ZNF789: variants seen among roughly 807,000 people sequenced by gnomAD.
ZNF789 encodes zinc finger protein 789.
In ZNF789, 11 loss-of-function variants were observed where a neutral mutation model predicts 15.6. The ratio of observed to expected loss-of-function variants is 0.70; its 90% CI spans 0.44 to 1.16. The LOEUF is 1.16. ZNF789 is among the 50% of genes most tolerant of loss of function. The pLI, the probability that ZNF789 is intolerant of heterozygous loss-of-function variation, is 0.00. For synonymous variants in ZNF789, 159 were observed against 176.0 expected (o/e 0.90, Z 0.76); for missense variants, 461 against 512.6 (o/e 0.90, Z 0.97).
At position 99,487,402 on chromosome 7, in the gene ZNF789, C is replaced by A. The variant is rs774761401; in HGVS notation, c.1192C>A (p.Gln398Lys). The A allele has an allele frequency of 2.4e-5, 39 of 1,614,074 alleles. No homozygotes were observed. Among genetic ancestry groups the A allele is most frequent in the Non-Finnish European group, 3.2e-5 (38 of 1,180,034 alleles). Residue 398 changes from glutamine to lysine, a missense_variant, in exon 5 of 5, where the codon CAA becomes AAA. Physicochemically the swap from Gln to Lys is moderately conservative, Grantham distance 53. Transcript: ENST00000331410. ...CATTCACACTGGAAGCCAACCCTAC[C>A]AATGTGTCATATGTGGAAAATCTTT... Reference protein sequence around the residue: ...QVIHTGSQPYQCVICGKSFKW... With the variant: ...QVIHTGSQPYKCVICGKSFKW...
At chr7:99,473,734 C>T (rs1332441532) in intron 1 of ZNF789, among the ~76,000 whole-genome samples, 2 of 152,244 alleles carry the variant, frequency 1.3e-5, no homozygotes, top group East Asian at 3.8e-4. Context: ...GATTCTCCTG[C>T]CTCAGCCTCT....
intron 2 of ZNF789, 163 bp from the exon 3 acceptor site, chr7:99,479,498 G>A (rs922478185): frequency 4.2e-6 from 3 of 708,508 alleles, no homozygotes; most frequent in South Asian, 3.0e-5. Flanking sequence ...TGTCTGGCCT[G>A]AGGGCCATCA....
chr7:99,487,056 A>G lies in ZNF789; in HGVS notation c.846A>G (p.Glu282=), dbSNP rs1025695558. The change falls in exon 5 of 5, where the codon GAA becomes GAG. Residue 282 remains glutamate (E), a synonymous_variant. Coordinates refer to ENST00000331410, the MANE Select transcript of ZNF789 (RefSeq NM_213603.3). ...LVEHKRIHTK[E]KPYKCSKCEK... is the part of the protein sequence containing the mutation. ...AACATAAGAGGATTCACACCAAAGAAAAACCTTATAAATGTAGCAAATGTG... is the reference window on the plus strand; with the variant it reads ...AACATAAGAGGATTCACACCAAAGAGAAACCTTATAAATGTAGCAAATGTG... The G allele has an allele frequency of 1.2e-6, 2 of 1,614,152 alleles. No individual in the cohort carries two copies. The highest frequency in any genetic ancestry group is 1.7e-6 in the Non-Finnish European group (2 of 1,180,038).
intron 2 of ZNF789, chr7:99,479,391 T>G: frequency 3.1e-6 from 1 of 319,106 alleles, no homozygotes; most frequent in Non-Finnish European, 5.7e-6. Context: ...TTTGAGGAAC[T>G]GGAACAGAGA....
chr7:99,487,394 A>C lies in ZNF789; in HGVS notation c.1184A>C (p.Gln395Pro). 6.2e-7 allele frequency: 1 copy of C among 1,614,248 alleles called. No individual in the cohort carries two copies. The highest frequency in any genetic ancestry group is 8.5e-7 in the Non-Finnish European group (1 of 1,180,042). The stretch of plus-strand genomic sequence containing the variant: ...CATCAGGTCATTCACACTGGAAGCC[A>C]ACCCTACCAATGTGTCATATGTGGA... ...FRHQVIHTGS[Q>P]PYQCVICGKS... Residue 395 changes from glutamine (Q) to proline (P), a missense_variant, in exon 5 of 5, where the codon CAA (glutamine) becomes CCA (proline). Coordinates refer to ENST00000331410, the MANE Select transcript of ZNF789 (RefSeq NM_213603.3).
intron 2 of ZNF789, chr7:99,478,998 C>T (rs555084710): frequency 9.2e-5 from 14 of 152,688 alleles, no homozygotes; most frequent in African/African-American, 3.4e-4. Flanking sequence ...GGTCTTGCTC[C>T]CCTTCCAGCA....
intron 4 of ZNF789, among the ~76,000 whole-genome samples, chr7:99,485,727 G>A (rs1431357160): frequency 1.3e-5 from 2 of 152,124 alleles, no homozygotes; most frequent in Non-Finnish European, 2.9e-5. Flanking sequence ...AGCTACTCAG[G>A]AGGCTAAGGC....
chr7:99,480,099 G>A, intron 3 of ZNF789: 1 of 363,040 alleles, frequency 2.8e-6, no homozygotes, highest in Non-Finnish European at 4.9e-6. Flanking sequence ...TCCGAGGCGG[G>A]TGGATCACAT....
Position 99,487,601 on chromosome 7 carries a change from T to A in ZNF789, c.*113T>A. On this transcript the variant is annotated 3_prime_UTR_variant, in exon 5 of 5. Transcript: ENST00000331410. The stretch of plus-strand genomic sequence containing the variant: ...ATAAATGTAACAAAGGGTTTTTCTA[T>A]GGGAGCCATCTTTGTGTAGCCAATC... The A allele has an allele frequency of 7.7e-7, 1 of 1,293,382 alleles. No homozygotes were observed. The highest frequency in any genetic ancestry group is 1.5e-5 in the South Asian group (1 of 66,328). The allele number at this position is 1,293,382 out of a possible 1,614,324, so 80.1% of individuals were successfully genotyped here. A position where few individuals can be genotyped will look rare whatever the true frequency, so the allele number is the denominator to read the frequency against.
chr7:99,477,771 A>C (rs1799414135), intron 2 of ZNF789, among the ~76,000 whole-genome samples: 1 of 152,184 alleles, frequency 6.6e-6, no homozygotes, highest in Admixed American at 6.5e-5. Context: ...CATATAGTGA[A>C]ACTCCATCTC....
At position 99,487,601 on chromosome 7, in the gene ZNF789, T is replaced by C; in HGVS notation, c.*113T>C. On this transcript the variant is annotated 3_prime_UTR_variant, in exon 5 of 5. Transcript: ENST00000331410. ...ATAAATGTAACAAAGGGTTTTTCTA[T>C]GGGAGCCATCTTTGTGTAGCCAATC... The C allele has an allele frequency of 7.7e-7, 1 of 1,293,382 alleles. No homozygotes were observed. Among genetic ancestry groups the C allele is most frequent in the Non-Finnish European group, 1.1e-6 (1 of 949,734 alleles). The allele number at this position is 1,293,382 out of a possible 1,614,324, so 80.1% of individuals were successfully genotyped here. A position where few individuals can be genotyped will look rare whatever the true frequency, so the allele number is the denominator to read the frequency against.
chr7:99,476,441 C>G lies in ZNF789; in HGVS notation c.-16C>G. 6.2e-7 allele frequency: 1 copy of G among 1,609,526 alleles called. No individual in the cohort carries two copies. The highest frequency in any genetic ancestry group is 1.7e-5 in the Admixed American group (1 of 59,252). ...CCAGGATCCCACCCCTTGCAAAAGA[C>G]CAGGCCGTGGAAGCCATGTTCCCAC... On this transcript the variant is annotated 5_prime_UTR_variant, in exon 2 of 5. Coordinates refer to ENST00000331410, the MANE Select transcript of ZNF789 (RefSeq NM_213603.3).
chr7:99,487,489 T>A lies in ZNF789; in HGVS notation c.*1T>A. ...TCACAAAGGACAGATATCCACATGA[T>A]GTTAATTGGAAAGCAGTCATTGGAG... On this transcript the variant is annotated 3_prime_UTR_variant, in exon 5 of 5. Coordinates refer to ENST00000331410, the MANE Select transcript of ZNF789 (RefSeq NM_213603.3). 1.2e-6 allele frequency: 2 copies of A among 1,604,488 alleles called. No individual in the cohort carries two copies. The highest frequency in any genetic ancestry group is 1.7e-6 in the Non-Finnish European group (2 of 1,174,538).
rs1482696846 is a variant in ZNF789 at position 99,480,039 on chromosome 7, G to A, written c.151+252G>A. On this transcript the variant is annotated intron_variant, in intron 3 of 4. Coordinates refer to ENST00000331410, the MANE Select transcript of ZNF789 (RefSeq NM_213603.3). ...TGTATACCCAACTTCAGAAATAACAGTGTAGGCCAGGTGCGGTGGCTCACA... is the reference window on the plus strand; with the variant it reads ...TGTATACCCAACTTCAGAAATAACAATGTAGGCCAGGTGCGGTGGCTCACA... 2.4e-5 allele frequency: 11 copies of A among 459,864 alleles called. No homozygotes were observed. The East Asian group carries it at 3.8e-4, about 16-fold the overall frequency. 28.5% of individuals were successfully genotyped at this position (459,864 alleles called of 1,614,324 possible). A position where few individuals can be genotyped will look rare whatever the true frequency, so the allele number is the denominator to read the frequency against.
At position 99,476,438 on chromosome 7, in the gene ZNF789, A is replaced by G. The variant is rs750513791; in HGVS notation, c.-19A>G. 3 of 1,608,994 alleles carry G rather than the reference A, an allele frequency of 1.9e-6. No homozygotes were observed. The East Asian group carries it at 6.8e-5, about 36-fold the overall frequency. ...CGTCCAGGATCCCACCCCTTGCAAA[A>G]GACCAGGCCGTGGAAGCCATGTTCC... On this transcript the variant is annotated 5_prime_UTR_variant, in exon 2 of 5. Coordinates refer to ENST00000331410, the MANE Select transcript of ZNF789 (RefSeq NM_213603.3).
intron 4 of ZNF789, among the ~76,000 whole-genome samples, chr7:99,484,420 G>C (rs1274831518): frequency 6.6e-6 from 1 of 152,148 alleles, no homozygotes; most frequent in African/African-American, 2.4e-5. Flanking sequence ...GCCAGGACTA[G>C]ACCAGCCTGG....
chr7:99,484,481 G>A (rs558659358), intron 4 of ZNF789, among the ~76,000 whole-genome samples: 86 of 152,306 alleles, frequency 5.6e-4, no homozygotes, highest in Middle Eastern at 6.8e-3. Flanking sequence ...TTAGCCCCGC[G>A]TAGTGGCGTG....
rs774180462 is a variant in ZNF789 at position 99,487,404 on chromosome 7, A to C, written c.1194A>C (p.Gln398His). The change falls in exon 5 of 5, where the codon CAA becomes CAC. Residue 398 changes from glutamine to histidine, a missense_variant. Gln to His is a conservative substitution (Grantham distance 24, BLOSUM62 0). Transcript: ENST00000331410. ...TTCACACTGGAAGCCAACCCTACCA[A>C]TGTGTCATATGTGGAAAATCTTTCA... ...QVIHTGSQPY[Q>H]CVICGKSFKW... The C allele has an allele frequency of 1.2e-6, 2 of 1,614,240 alleles. No individual in the cohort carries two copies. Among genetic ancestry groups the C allele is most frequent in the Non-Finnish European group, 1.7e-6 (2 of 1,180,036 alleles).
chr7:99,486,646 AGTG>A lies in ZNF789; in HGVS notation c.440_442del (p.Gly147del). 1 of 1,614,252 alleles carries A rather than the reference AGTG, an allele frequency of 6.2e-7. No individual in the cohort carries two copies. The highest frequency in any genetic ancestry group is 8.5e-7 in the Non-Finnish European group (1 of 1,180,056). On this transcript the variant is annotated inframe_deletion, in exon 5 of 5. Transcript: ENST00000331410. ...CAGTTGCAGGCTTACTTTCCCTACT[AGTG>A]GTGATGAATACAGCAGGGGCTTCCT... is the stretch of plus-strand genomic sequence containing the variant.
Sources: allele counts gnomAD v4.1 joint callset (sites outside exome capture counted in the v4.1 genomes callset), GRCh38; gene constraint gnomAD v4.1.1; transcripts MANE v1.5; gene names NCBI Gene and HGNC (gene_info 2026-07-23, HGNC 2026-07-21).